Variants in ADAMTS3 observed in about 807,000 individuals in gnomAD.
ADAMTS3 encodes ADAM metallopeptidase with thrombospondin type 1 motif 3.
In ADAMTS3, 73 loss-of-function variants were observed where a neutral mutation model predicts 129.0. The observed-to-expected ratio is 0.57, with a 90% CI of 0.47 to 0.69. ADAMTS3 has a LOEUF of 0.69. Among genes scored for constraint, ADAMTS3 ranks in the 30% least tolerant of loss-of-function variants. The pLI, the probability that ADAMTS3 is intolerant of heterozygous loss-of-function variation, is 0.00. For synonymous variants in ADAMTS3, 477 were observed against 510.8 expected (o/e 0.93, Z 0.89); for missense variants, 1,457 against 1,514.5 (o/e 0.96, Z 0.63).
At chr4:72,378,842 C>T (rs1212390039) in intron 4 of ADAMTS3, among the ~76,000 whole-genome samples, 4 of 152,112 alleles carry the variant, frequency 2.6e-5, no homozygotes, top group Non-Finnish European at 4.4e-5. Flanking sequence ...AAGCTGAAAT[C>T]AAGACGTCAG....
chr4:72,313,946 T>C, intron 11 of ADAMTS3, 124 bp from the exon 12 acceptor site: 1 of 1,083,970 alleles, frequency 9.2e-7, no homozygotes, highest in South Asian at 1.6e-5. Context: ...TGGAGATGCA[T>C]TTAAAATTAT....
At chr4:72,384,983 A>G (rs956601106) in intron 4 of ADAMTS3, among the ~76,000 whole-genome samples, 1 of 152,014 alleles carries the variant, frequency 6.6e-6, no homozygotes, top group Non-Finnish European at 1.5e-5. Flanking sequence ...CCTGGCTAAC[A>G]CCCTGAAACC....
intron 2 of ADAMTS3, among the ~76,000 whole-genome samples, chr4:72,559,355 A>C (rs1206330111): frequency 6.6e-6 from 1 of 151,860 alleles, no homozygotes; most frequent in Non-Finnish European, 1.5e-5. Context: ...TTGGCATGGA[A>C]TCCATATGGA....
intron 3 of ADAMTS3, among the ~76,000 whole-genome samples, chr4:72,528,521 T>TAA (rs11324929): frequency 2.0e-4 from 18 of 89,662 alleles, no homozygotes; most frequent in Non-Finnish European, 3.6e-4. Context: ...AAGTGAAAAC[T>TAA]AAAAAAAAAA....
chr4:72,395,473 T>C lies in ADAMTS3; in HGVS notation c.661+19342A>G, dbSNP rs184170697. On this transcript the variant is annotated intron_variant, in intron 4 of 21. Coordinates refer to ENST00000286657, the MANE Select transcript of ADAMTS3 (RefSeq NM_014243.3). The stretch of plus-strand genomic sequence containing the variant: ...GTATACTGGGGAGTGGCGTCCCTTA[T>C]GAATAATGAGATAAAATAGATAAAC... 3.6e-3 allele frequency among the ~76,000 whole-genome samples: 543 copies of C among 152,196 alleles called. 1 individual carries two copies. Among genetic ancestry groups the C allele is most frequent in the Middle Eastern group, 0.031 (9 of 294 alleles).
chr4:72,439,489 T>A (rs992464888), intron 3 of ADAMTS3, among the ~76,000 whole-genome samples: 1 of 151,716 alleles, frequency 6.6e-6, no homozygotes, highest in South Asian at 2.1e-4. Context: ...TTCCTTTTTT[T>A]AAGATGAAGC....
intron 3 of ADAMTS3, among the ~76,000 whole-genome samples, chr4:72,515,298 A>G (rs788939): frequency 0.32 from 47,247 of 147,976 alleles, 8,087 homozygotes; most frequent in African/African-American, 0.44. Flanking sequence ...ATAAACATAC[A>G]TGTGCATGTG....
At chr4:72,435,297 A>G (rs1265189421) in intron 3 of ADAMTS3, among the ~76,000 whole-genome samples, 1 of 151,832 alleles carries the variant, frequency 6.6e-6, no homozygotes, top group Admixed American at 6.6e-5. Flanking sequence ...TTTGACCACA[A>G]AAGCTCCCAA....
chr4:72,329,899 G>GGTTT (rs1004390611), intron 5 of ADAMTS3, among the ~76,000 whole-genome samples: 2 of 151,998 alleles, frequency 1.3e-5, no homozygotes, highest in African/African-American at 2.4e-5. Context: ...TGTTGCTCAA[G>GGTTT]GTTTGTTTGT....
At chr4:72,449,242 G>A (rs973578904) in intron 3 of ADAMTS3, among the ~76,000 whole-genome samples, 11 of 151,362 alleles carry the variant, frequency 7.3e-5, no homozygotes, top group Non-Finnish European at 8.9e-5. Context: ...ACCTAAATCT[G>A]TACCTCCAGC....
intron 3 of ADAMTS3, among the ~76,000 whole-genome samples, chr4:72,434,236 T>C (rs1330015218): frequency 2.0e-5 from 3 of 151,686 alleles, no homozygotes; most frequent in African/African-American, 4.8e-5. Context: ...ATAACTGCAA[T>C]AGCAATGCCA....
intron 4 of ADAMTS3, among the ~76,000 whole-genome samples, chr4:72,404,855 C>T (rs867602739): frequency 8.5e-6 from 1 of 117,606 alleles, no homozygotes; most frequent in East Asian, 3.0e-4. Flanking sequence ...CACACACACA[C>T]ACACAAAACA....
At chr4:72,517,285 G>T (rs1166345715) in intron 3 of ADAMTS3, among the ~76,000 whole-genome samples, 1 of 152,274 alleles carries the variant, frequency 6.6e-6, no homozygotes, top group South Asian at 2.1e-4. Context: ...AAGGATATTG[G>T]TCTAAAATTC....
chr4:72,549,924 G>A (rs1465709642), intron 2 of ADAMTS3, among the ~76,000 whole-genome samples: 1 of 135,616 alleles, frequency 7.4e-6, no homozygotes, highest in African/African-American at 2.8e-5. Flanking sequence ...TACTAGAGAA[G>A]GAAACAAGCA....
intron 3 of ADAMTS3, among the ~76,000 whole-genome samples, chr4:72,430,715 G>C (rs1158523474): frequency 6.6e-6 from 1 of 151,636 alleles, no homozygotes; most frequent in Non-Finnish European, 1.5e-5. Context: ...GTAGAGAAAG[G>C]ATATCTACTA....
intron 3 of ADAMTS3, among the ~76,000 whole-genome samples, chr4:72,419,118 G>A (rs997469931): frequency 2.6e-5 from 4 of 151,944 alleles, no homozygotes; most frequent in African/African-American, 4.8e-5. Flanking sequence ...AGGTGCCCCC[G>A]TCTAAATTAG....
rs757080629 is a variant in ADAMTS3, at chr4:72,339,623, T to C, written c.732A>G (p.Thr244=). 6.2e-7 allele frequency: 1 copy of C among 1,613,988 alleles called. No homozygotes were observed. Among genetic ancestry groups the C allele is most frequent in the Non-Finnish European group, 8.5e-7 (1 of 1,179,906 alleles). The change falls in exon 5 of 22, where the codon ACA becomes ACG. Residue 244 remains threonine, a synonymous_variant. Transcript: ENST00000286657. ...CTCCCGCGTGTCTGCGGCGTCTCAT[T>C]GTTTCATTCAGCTGCTGGTGGATGT... ...YGNIHQQLNE[T]MRRRRHAGEN...
At chr4:72,333,825 G>A (rs1247529886) in intron 5 of ADAMTS3, among the ~76,000 whole-genome samples, 3 of 129,680 alleles carry the variant, frequency 2.3e-5, no homozygotes, top group Non-Finnish European at 5.1e-5. Context: ...TTGTTTTGTT[G>A]TTGTTGTTTG....
intron 4 of ADAMTS3, among the ~76,000 whole-genome samples, chr4:72,412,382 A>C (rs1722204985): frequency 6.6e-6 from 1 of 152,074 alleles, no homozygotes; most frequent in African/African-American, 2.4e-5. Context: ...TTTCAATTTT[A>C]AATTTTAAAA....
Sources: allele counts gnomAD v4.1 joint callset (sites outside exome capture counted in the v4.1 genomes callset), GRCh38; gene constraint gnomAD v4.1.1; transcripts MANE v1.5; gene names NCBI Gene and HGNC (gene_info 2026-07-23, HGNC 2026-07-21).